NTNG1: variants seen among roughly 807,000 people sequenced by gnomAD.
NTNG1 encodes netrin G1.
Under a neutral mutation model 54.0 loss-of-function variants are expected in NTNG1, and 16 were observed. The ratio of observed to expected loss-of-function variants is 0.30; its 90% CI spans 0.20 to 0.45. The LOEUF is 0.45. Ranked by LOEUF, NTNG1 falls within the 20% of genes least tolerant of loss-of-function variation. The pLI, the probability that NTNG1 is intolerant of heterozygous loss-of-function variation, is 1.00. For synonymous variants in NTNG1, 255 were observed against 263.1 expected (o/e 0.97, Z 0.30); for missense variants, 530 against 678.7 (o/e 0.78, Z 2.43).
At chr1:107,208,057 T>G (rs1469348726) in intron 2 of NTNG1, among the ~76,000 whole-genome samples, 1 of 152,190 alleles carries the variant, frequency 6.6e-6, no homozygotes, top group African/African-American at 2.4e-5. Flanking sequence ...ACAGAGCTGA[T>G]GCTGAAGTGC....
chr1:107,241,486 A>G (rs1661824476), intron 2 of NTNG1, among the ~76,000 whole-genome samples: 1 of 152,136 alleles, frequency 6.6e-6, no homozygotes, highest in Non-Finnish European at 1.5e-5. Flanking sequence ...TTGTGATAGG[A>G]TATTAGTAAA....
intron 6 of NTNG1, among the ~76,000 whole-genome samples, chr1:107,433,630 TA>T (rs1329259894): frequency 6.6e-6 from 1 of 152,220 alleles, no homozygotes; most frequent in Non-Finnish European, 1.5e-5. Flanking sequence ...TGCCCTTTTC[TA>T]AAGAAGAAAA....
At position 107,242,174 on chromosome 1, in the gene NTNG1, G is replaced by C. The variant is rs566424954; in HGVS notation, c.247-82108G>C. 9.2e-5 allele frequency among the ~76,000 whole-genome samples: 14 copies of C among 152,210 alleles called. No individual in the cohort carries two copies. In the East Asian group the frequency reaches 1.7e-3, roughly 19 times the overall value. ...CTGTAGTCCCAGCTACTTGGAGGAG[G>C]GGGGGTGAGGGGATGGGGTCAGAGG... On this transcript the variant is annotated intron_variant, in intron 2 of 7. Coordinates refer to ENST00000370068, the MANE Select transcript of NTNG1 (RefSeq NM_001113226.3).
At chr1:107,142,835 A>G (rs1287183781) in intron 1 of NTNG1, among the ~76,000 whole-genome samples, 2 of 151,482 alleles carry the variant, frequency 1.3e-5, no homozygotes, top group Non-Finnish European at 2.9e-5. Flanking sequence ...CTAGTGAGGG[A>G]ATTAGCAATT....
intron 2 of NTNG1, among the ~76,000 whole-genome samples, chr1:107,264,071 CCT>C (rs796129089): frequency 6.6e-6 from 1 of 151,752 alleles, no homozygotes; most frequent in Admixed American, 6.6e-5. Flanking sequence ...AATCTATAGT[CCT>C]CTCTCTCTCT....
intron 3 of NTNG1, among the ~76,000 whole-genome samples, chr1:107,390,312 G>A (rs898308917): frequency 1.3e-5 from 2 of 152,144 alleles, no homozygotes; most frequent in Non-Finnish European, 2.9e-5. Flanking sequence ...GACCAGGGTG[G>A]CCATCCTTGC....
chr1:107,471,775 T>G (rs553595917), intron 7 of NTNG1, among the ~76,000 whole-genome samples: 1 of 152,354 alleles, frequency 6.6e-6, no homozygotes, highest in East Asian at 1.9e-4. Context: ...GAAGGACATT[T>G]GCTTCCTTTT....
chr1:107,140,751 G>A (rs1317834266), upstream of NTNG1: 3 of 133,208 alleles, frequency 2.3e-5, no homozygotes, highest in Non-Finnish European at 4.6e-5. Flanking sequence ...ATCGTCCTGC[G>A]GCTTGAAAAA....
At chr1:107,151,723 CT>C (rs1654583655) in intron 2 of NTNG1, among the ~76,000 whole-genome samples, 1 of 152,034 alleles carries the variant, frequency 6.6e-6, no homozygotes, top group African/African-American at 2.4e-5. Context: ...TTTTCATTGA[CT>C]TCATCATTAT....
intron 2 of NTNG1, among the ~76,000 whole-genome samples, chr1:107,174,603 G>A (rs1221586349): frequency 1.3e-5 from 2 of 151,858 alleles, no homozygotes; most frequent in African/African-American, 4.8e-5. Context: ...AATTAACACA[G>A]TGCATAATGA....
intron 3 of NTNG1, among the ~76,000 whole-genome samples, chr1:107,376,751 A>AC (rs1178067398): frequency 6.6e-6 from 1 of 152,212 alleles, no homozygotes; most frequent in East Asian, 1.9e-4. Flanking sequence ...TCTCGAGTGA[A>AC]CCTTACTGGA....
intron 3 of NTNG1, among the ~76,000 whole-genome samples, chr1:107,356,489 T>C (rs1347853109): frequency 1.3e-5 from 2 of 152,034 alleles, no homozygotes; most frequent in Non-Finnish European, 2.9e-5. Flanking sequence ...AGACAGGGTT[T>C]TTCCACATTG....
chr1:107,347,849 A>T (rs1275415776), intron 3 of NTNG1, among the ~76,000 whole-genome samples: 1 of 152,122 alleles, frequency 6.6e-6, no homozygotes, highest in Non-Finnish European at 1.5e-5. Context: ...CCAGATACTT[A>T]TAAAATCATC....
intron 4 of NTNG1, 141 bp downstream of exon 4, chr1:107,395,467 A>C (rs756531760): frequency 1.2e-6 from 1 of 805,512 alleles, no homozygotes; most frequent in Admixed American, 1.7e-5. Context: ...TTCAGTCCCT[A>C]TCTTACCTCA....
intron 2 of NTNG1, among the ~76,000 whole-genome samples, chr1:107,259,122 G>T (rs1663128626): frequency 6.6e-6 from 1 of 152,008 alleles, no homozygotes; most frequent in Non-Finnish European, 1.5e-5. Context: ...AAATGGTTGG[G>T]TTTAAAAATC....
chr1:107,324,145 A>C, intron 2 of NTNG1, 137 bp from the exon 3 acceptor site: 1 of 738,200 alleles, frequency 1.4e-6, no homozygotes, highest in Non-Finnish European at 2.3e-6. Context: ...AGGAGAATCC[A>C]GTTAGGGCAA....
At chr1:107,274,838 A>T (rs976034816) in intron 2 of NTNG1, among the ~76,000 whole-genome samples, 1 of 152,148 alleles carries the variant, frequency 6.6e-6, no homozygotes, top group African/African-American at 2.4e-5. Flanking sequence ...GTTTAGCTTT[A>T]GATTATCTAT....
At chr1:107,280,625 T>C (rs1490804635) in intron 2 of NTNG1, among the ~76,000 whole-genome samples, 1 of 147,566 alleles carries the variant, frequency 6.8e-6, no homozygotes, top group Non-Finnish European at 1.5e-5. Context: ...TTTTGGCCAC[T>C]ATATAAACAC....
At chr1:107,386,194 G>A (rs112199837) in intron 3 of NTNG1, among the ~76,000 whole-genome samples, 3,143 of 142,174 alleles carry the variant, frequency 0.022, 113 homozygotes, top group African/African-American at 0.079. Context: ...TTTGAAATGG[G>A]GTTTCACTCT....
Sources: gnomAD v4.1 joint callset for allele counts (sites outside exome capture counted in the v4.1 genomes callset) on GRCh38, gnomAD v4.1.1 for gene constraint, MANE v1.5 for transcripts, NCBI Gene and HGNC (gene_info 2026-07-23, HGNC 2026-07-21) for gene names.